The following RIPOR3 variants were observed in gnomAD, a reference collection of about 807,000 sequenced individuals.
RIPOR3 encodes family with sequence similarity 65 member C.
RIPOR3 carries 95 observed loss-of-function variants against 114.3 expected under a neutral mutation model. That is an observed-to-expected ratio of 0.83 (90% confidence interval 0.70 to 0.99). The LOEUF is 0.99. Among genes scored for constraint, RIPOR3 ranks in the 50% least tolerant of loss-of-function variants. The probability of loss-of-function intolerance (pLI) is 0.00; values close to 1 mark genes in which losing one functional copy is unlikely to be tolerated. For missense variants in RIPOR3, 1,252 were observed against 1,266.9 expected, an observed-to-expected ratio of 0.99 and a Z score of 0.18; for synonymous variants, 575 against 543.8, an observed-to-expected ratio of 1.06 and a Z score of -0.80.
chr20:50,630,713 G>A (rs763101345), intron 2 of RIPOR3, 25 bp downstream of exon 2: 49 of 1,565,254 alleles, frequency 3.1e-5, no homozygotes, highest in South Asian at 2.2e-4. Context: ...CCTGCACCCC[G>A]AAACAGGACA....
intron 19 of RIPOR3, 161 bp from the exon 20 acceptor site, chr20:50,589,930 A>C (rs1243595836): frequency 1.6e-6 from 1 of 637,700 alleles, no homozygotes; most frequent in Non-Finnish European, 2.9e-6. Flanking sequence ...CCCTGTGTAC[A>C]CAGTCACAAG....
chr20:50,662,494 G>A (rs557475108), intron 1 of RIPOR3, among the ~76,000 whole-genome samples: 5 of 152,338 alleles, frequency 3.3e-5, no homozygotes, highest in East Asian at 1.9e-4. Context: ...AGGTGCAGCC[G>A]TGACTGCTGT....
chr20:50,597,761 G>A (rs190766408), intron 13 of RIPOR3, 51 bp from the exon 14 acceptor site: 35 of 1,592,324 alleles, frequency 2.2e-5, no homozygotes, highest in South Asian at 9.0e-5. Context: ...CCACCCACCC[G>A]ACTGGGACAC....
In RIPOR3 at chr20:50,691,462, C is replaced by T. The variant is rs1020349730; in HGVS notation, c.-334G>A. On this transcript the variant is annotated 5_prime_UTR_variant, in exon 1 of 22. Coordinates refer to ENST00000327979, the MANE Select transcript of RIPOR3 (RefSeq NM_001290268.2). ...GGTTCCAGGAAGCCCTCCTGGGGCC[C>T]CCCAGCCGGCCCCGCTCCCCCCGGA... 9.2e-6 allele frequency: 2 copies of T among 217,648 alleles called. No homozygotes were observed. The highest frequency in any genetic ancestry group is 1.9e-5 in the Non-Finnish European group (2 of 105,760). The allele number at this position is 217,648 out of a possible 1,614,324, so 13.5% of individuals were successfully genotyped here.
chr20:50,600,193 G>A (rs893992365), intron 13 of RIPOR3, among the ~76,000 whole-genome samples: 1 of 152,168 alleles, frequency 6.6e-6, no homozygotes, highest in African/African-American at 2.4e-5. Context: ...GTGAGCCACT[G>A]CGCCCACCAT....
Position 50,610,991 on chromosome 20 carries a change from C to T in RIPOR3, c.373-85G>A, listed in dbSNP as rs1348997844. ...TTGCCCCTGCCACCCTCCTACAGGT[C>T]CTAACTCAGAGAATGGGGCCCCTCA... On this transcript the variant is annotated intron_variant, in intron 5 of 21. Transcript: ENST00000327979. 7 of 885,988 alleles carry T rather than the reference C, an allele frequency of 7.9e-6. No homozygotes were observed. In the South Asian group the frequency reaches 1.3e-4, roughly 16 times the overall value. 54.9% of individuals were successfully genotyped at this position (885,988 alleles called of 1,614,324 possible).
chr20:50,632,742 T>C (rs8118730), intron 1 of RIPOR3, among the ~76,000 whole-genome samples: 43,576 of 152,194 alleles, frequency 0.29, 11,166 homozygotes, highest in African/African-American at 0.69. Flanking sequence ...CTTTTGATGA[T>C]CTAATTCCAT....
chr20:50,646,583 C>G (rs2085405544), intron 1 of RIPOR3, among the ~76,000 whole-genome samples: 1 of 152,210 alleles, frequency 6.6e-6, no homozygotes, highest in Non-Finnish European at 1.5e-5. Flanking sequence ...AGCAGACCCC[C>G]TCCTGGTCTC....
At chr20:50,686,273 G>A (rs1020579704) in intron 1 of RIPOR3, among the ~76,000 whole-genome samples, 7 of 151,824 alleles carry the variant, frequency 4.6e-5, no homozygotes, top group Non-Finnish European at 1.0e-4. Context: ...AGCCAGGATG[G>A]TCTCGATCTC....
rs763892965 is a variant in RIPOR3, at chr20:50,608,660, C to G, written c.763G>C (p.Glu255Gln). The G allele has an allele frequency of 3.1e-6, 5 of 1,614,090 alleles. No homozygotes were observed. Among genetic ancestry groups the G allele is most frequent in the Non-Finnish European group, 4.2e-6 (5 of 1,179,936 alleles). ...ESDDSQTWDE[E>Q]EKAFIPTLHE... ...AGCGTGGGGATGAAGGCCTTCTCCT[C>G]TTCGTCCCAGGTCTGGCTGTCATCT... Residue 255 changes from glutamate to glutamine, a missense_variant, in exon 10 of 22, where the codon GAG (glutamate) becomes CAG (glutamine). Transcript: ENST00000327979.
intron 2 of RIPOR3, among the ~76,000 whole-genome samples, chr20:50,623,493 G>C (rs1364530053): frequency 6.6e-6 from 1 of 152,076 alleles, no homozygotes; most frequent in Admixed American, 6.6e-5. Flanking sequence ...CAAGGAGCAA[G>C]GTTTGACCCA....
At position 50,609,312 on chromosome 20, in the gene RIPOR3, C is replaced by T; in HGVS notation, c.621G>A (p.Glu207=). The change falls in exon 8 of 22, where the codon GAG becomes GAA. Residue 207 remains glutamate, a synonymous_variant. Coordinates refer to ENST00000327979, the MANE Select transcript of RIPOR3 (RefSeq NM_001290268.2). ...IEGALEVHLG[E]FHIRMKGLVG... is the part of the protein sequence containing the mutation. ...TGTTACCTTTCATCCTGATGTGGAA[C>T]TCGCCCAGGTGAACCTCCAGGGCCC... 6.2e-7 allele frequency: 1 copy of T among 1,613,954 alleles called. No individual in the cohort carries two copies. The highest frequency in any genetic ancestry group is 8.5e-7 in the Non-Finnish European group (1 of 1,179,856).
Position 50,596,274 on chromosome 20 carries a change from T to G in RIPOR3, c.1791-11A>C. The G allele has an allele frequency of 6.2e-7, 1 of 1,613,960 alleles. No homozygotes were observed. The highest frequency in any genetic ancestry group is 8.5e-7 in the Non-Finnish European group (1 of 1,179,982). ...AGGGGCCGGTCCTTTCTGAGTTGAA[T>G]TGAGAACTGGGTGACCATTCCAGTT... On this transcript the variant is annotated splice_polypyrimidine_tract_variant and intron_variant, in intron 14 of 21. Coordinates refer to ENST00000327979, the MANE Select transcript of RIPOR3 (RefSeq NM_001290268.2).
At position 50,602,519 on chromosome 20, in the gene RIPOR3, C is replaced by T. The variant is rs1410646047; in HGVS notation, c.1212G>A (p.Leu404=). Reference sequence around the variant, plus strand: ...CAGAGCTGAAGGAGTCCATCTCAGGCAGCTCCTGACTCTGGCTTCTTAGGC... The same window carrying T: ...CAGAGCTGAAGGAGTCCATCTCAGGTAGCTCCTGACTCTGGCTTCTTAGGC... ...GPSLRSQSQE[L]PEMDSFSSED... The change falls in exon 13 of 22, where the codon CTG becomes CTA. Residue 404 remains leucine, a synonymous_variant. Coordinates refer to ENST00000327979, the MANE Select transcript of RIPOR3 (RefSeq NM_001290268.2). This position sits in a 1 kb window ranked among gnomAD's most constrained non-coding sequence, Gnocchi z 4.3. The T allele has an allele frequency of 1.3e-6, 2 of 1,562,012 alleles. No homozygotes were observed. The highest frequency in any genetic ancestry group is 1.7e-6 in the Non-Finnish European group (2 of 1,152,348).
intron 4 of RIPOR3, among the ~76,000 whole-genome samples, chr20:50,615,057 AAAAAC>A (rs371330296): frequency 1.8e-4 from 27 of 152,088 alleles, no homozygotes; most frequent in Admixed American, 6.6e-4. Flanking sequence ...ACTCCATCTC[AAAAAC>A]AAAACAAAAC....
chr20:50,652,251 A>G (rs2085637107), intron 1 of RIPOR3, among the ~76,000 whole-genome samples: 1 of 152,128 alleles, frequency 6.6e-6, no homozygotes, highest in Non-Finnish European at 1.5e-5. Context: ...CCCACCCCCA[A>G]GTCCTCCCAG....
At chr20:50,589,925 T>C (rs1476517794) in intron 19 of RIPOR3, 156 bp from the exon 20 acceptor site, 2 of 646,430 alleles carry the variant, frequency 3.1e-6, no homozygotes, top group Non-Finnish European at 5.7e-6. Context: ...TTGGGCCCTG[T>C]GTACACAGTC....
chr20:50,598,676 G>A (rs570080731), intron 13 of RIPOR3, among the ~76,000 whole-genome samples: 2 of 152,120 alleles, frequency 1.3e-5, no homozygotes, highest in South Asian at 4.2e-4. Flanking sequence ...AGGCCAAGGC[G>A]GGCAGATCAC....
intron 13 of RIPOR3, among the ~76,000 whole-genome samples, chr20:50,598,691 G>A (rs1363599434): frequency 6.6e-6 from 1 of 152,164 alleles, no homozygotes; most frequent in African/African-American, 2.4e-5. Flanking sequence ...GATCACTTGA[G>A]GTCAGGAGTT....
Sources: gnomAD v4.1 joint callset for allele counts (sites outside exome capture counted in the v4.1 genomes callset) on GRCh38, gnomAD v4.1.1 for gene constraint, Gnocchi (gnomAD v3.1) non-coding constraint, MANE v1.5 for transcripts, NCBI Gene and HGNC (gene_info 2026-07-23, HGNC 2026-07-21) for gene names.